Variants in UBE3A observed in about 807,000 individuals in gnomAD.
UBE3A encodes ubiquitin protein ligase E3A.
UBE3A carries 6 observed loss-of-function variants against 83.4 expected under a neutral mutation model. The observed-to-expected ratio is 0.07, with a 90% CI of 0.04 to 0.14. The LOEUF is 0.14. Ranked by LOEUF, UBE3A falls within the 10% of genes least tolerant of loss-of-function variation. The pLI is 1.00. For synonymous variants in UBE3A, 337 were observed against 355.4 expected (o/e 0.95, Z 0.58); for missense variants, 456 against 1,036.1 (o/e 0.44, Z 7.69).
intron 4 of UBE3A, among the ~76,000 whole-genome samples, chr15:25,389,558 A>C (rs967678165): frequency 1.3e-5 from 2 of 152,168 alleles, no homozygotes; most frequent in Admixed American, 1.3e-4. Context: ...GATAGGGAGG[A>C]AATATTTACA....
Position 25,375,659 on chromosome 15 carries a change from G to T in UBE3A, c.167C>A (p.Thr56Asn), listed in dbSNP as rs1431543223. 1 of 1,614,152 alleles carries T rather than the reference G, an allele frequency of 6.2e-7. No individual in the cohort carries two copies. The highest frequency in any genetic ancestry group is 1.7e-5 in the Admixed American group (1 of 60,012). The part of the protein sequence containing the change: ...CTNEFCASCP[T>N]FLRMDNNAAA... ...TGCATTATTATCCATACGAAGAAAA[G>T]TTGGACAGGAAGCACAAAACTCATT... The change falls in exon 5 of 13, where the codon ACT becomes AAT. Residue 56 changes from threonine (T) to asparagine (N), a missense_variant. Physicochemically the swap from Thr to Asn is moderately conservative, Grantham distance 65. Coordinates refer to ENST00000648336, the MANE Select transcript of UBE3A (RefSeq NM_130839.5).
intron 11 of UBE3A, chr15:25,345,972 A>T (rs1329437362): frequency 6.6e-6 from 1 of 152,290 alleles, no homozygotes; most frequent in Admixed American, 6.5e-5. Flanking sequence ...AATCAAAAAG[A>T]AACAAACCCA....
Position 25,388,201 on chromosome 15 carries a change from C to T in UBE3A, c.63-12438G>A, listed in dbSNP as rs145514960. On this transcript the variant is annotated intron_variant, in intron 4 of 12. Transcript: ENST00000648336. The stretch of plus-strand genomic sequence containing the variant: ...CCCATATTTGTCATGAACAAAGATG[C>T]AAAAATCTTTGTATTAGCAAAGTAT... 2.6e-5 allele frequency among the ~76,000 whole-genome samples: 4 copies of T among 152,180 alleles called. No individual in the cohort carries two copies. In the East Asian group the frequency reaches 5.8e-4, roughly 22 times the overall value.
intron 1 of UBE3A, among the ~76,000 whole-genome samples, chr15:25,412,731 C>T (rs2090217042): frequency 6.7e-6 from 1 of 150,080 alleles, no homozygotes; most frequent in Admixed American, 6.6e-5. Flanking sequence ...GGTTAAGAAA[C>T]CTATCCAGTG....
chr15:25,379,145 T>C (rs2081730544), intron 4 of UBE3A, among the ~76,000 whole-genome samples: 1 of 152,210 alleles, frequency 6.6e-6, no homozygotes, highest in South Asian at 2.1e-4. Flanking sequence ...AGTATTATTC[T>C]TCTTCACATT....
chr15:25,408,284 C>A, intron 3 of UBE3A: 1 of 358,780 alleles, frequency 2.8e-6, no homozygotes, highest in Non-Finnish European at 5.2e-6. Flanking sequence ...ACTTTGGCTC[C>A]TAAAGAGTCT....
Position 25,366,963 on chromosome 15 carries a change from T to A in UBE3A, c.1608+3603A>T, listed in dbSNP as rs193114634. ...ATTTTATTTATTTATTTATTTATTT[T>A]TTTTAAACAATTTTCCCATTCAGAT... On this transcript the variant is annotated intron_variant, in intron 6 of 12. Transcript: ENST00000648336. Among the ~76,000 whole-genome samples the A allele has an allele frequency of 4.4e-3, 671 of 151,946 alleles. 6 individuals carry two copies. The highest frequency in any genetic ancestry group is 0.014 in the African/African-American group (586 of 41,506).
chr15:25,344,071 T>G, intron 11 of UBE3A, among the ~76,000 whole-genome samples: 1 of 152,346 alleles, frequency 6.6e-6, no homozygotes. Context: ...AAATTACACA[T>G]GCATCTACCA....
At chr15:25,426,248 C>T (rs1891277475) in intron 1 of UBE3A, among the ~76,000 whole-genome samples, 1 of 152,150 alleles carries the variant, frequency 6.6e-6, no homozygotes, top group Non-Finnish European at 1.5e-5. Flanking sequence ...ATCAGAATTA[C>T]TTTAATTTCC....
intron 1 of UBE3A, among the ~76,000 whole-genome samples, chr15:25,412,547 C>T (rs1048169219): frequency 1.3e-5 from 2 of 152,060 alleles, no homozygotes; most frequent in Non-Finnish European, 1.5e-5. Context: ...AAATCAACCA[C>T]TTAATATATA....
chr15:25,429,769 T>C (rs1462058121), intron 1 of UBE3A, among the ~76,000 whole-genome samples: 1 of 151,532 alleles, frequency 6.6e-6, no homozygotes, highest in Non-Finnish European at 1.5e-5. Flanking sequence ...CTTTCAGAGG[T>C]TGAGGCAGGC....
At chr15:25,414,614 G>A (rs1404929824) in intron 1 of UBE3A, among the ~76,000 whole-genome samples, 1 of 152,172 alleles carries the variant, frequency 6.6e-6, no homozygotes, top group Non-Finnish European at 1.5e-5. Context: ...GTGAGGTAAT[G>A]ATGGTAGCAC....
chr15:25,387,984 A>G (rs1448299323), intron 4 of UBE3A, among the ~76,000 whole-genome samples: 1 of 152,210 alleles, frequency 6.6e-6, no homozygotes, highest in Non-Finnish European at 1.5e-5. Flanking sequence ...ATGTTCTAAA[A>G]GAGAAGGCAT....
intron 6 of UBE3A, among the ~76,000 whole-genome samples, chr15:25,368,316 G>A (rs1364880675): frequency 6.6e-6 from 1 of 151,924 alleles, no homozygotes; most frequent in Admixed American, 6.5e-5. Flanking sequence ...AATTACACAG[G>A]TTATCAATTT....
intron 1 of UBE3A, among the ~76,000 whole-genome samples, chr15:25,432,393 G>A (rs777520432): frequency 4.6e-5 from 7 of 152,182 alleles, no homozygotes; most frequent in Non-Finnish European, 8.8e-5. Context: ...GCTTGAAATG[G>A]AAAAGCCATC....
chr15:25,400,641 AT>A (rs1316712048), intron 4 of UBE3A, among the ~76,000 whole-genome samples: 1 of 152,120 alleles, frequency 6.6e-6, no homozygotes, highest in Non-Finnish European at 1.5e-5. Flanking sequence ...AATTCTACGG[AT>A]TTTTGTATCT....
rs549321927 is a variant in UBE3A, at chr15:25,336,047, A to C, written c.*3090T>G. ...ATATCTACCCCACACCTGCATCAAA[A>C]TCTTGCAGTGCCTATTAATAAATGC... On this transcript the variant is annotated 3_prime_UTR_variant, in exon 13 of 13. Transcript: ENST00000648336. 1.3e-5 allele frequency: 2 copies of C among 152,312 alleles called. No individual in the cohort carries two copies. The highest frequency in any genetic ancestry group is 4.1e-4 in the South Asian group (2 of 4,822). 9.4% of individuals were successfully genotyped at this position (152,312 alleles called of 1,614,324 possible).
chr15:25,393,513 G>A (rs1596067946), intron 4 of UBE3A, among the ~76,000 whole-genome samples: 1 of 152,142 alleles, frequency 6.6e-6, no homozygotes, highest in Admixed American at 6.5e-5. Flanking sequence ...CTCATTTATA[G>A]CTGACAAGAA....
At chr15:25,374,423 T>C (rs757668282) in intron 5 of UBE3A, 15 of 152,238 alleles carry the variant, frequency 9.9e-5, no homozygotes, top group Non-Finnish European at 1.9e-4. Flanking sequence ...ACTGGAGAAC[T>C]GTGTACAATA....
Sources: gnomAD v4.1 joint callset for allele counts (sites outside exome capture counted in the v4.1 genomes callset) on GRCh38, gnomAD v4.1.1 for gene constraint, MANE v1.5 for transcripts, NCBI Gene and HGNC (gene_info 2026-07-23, HGNC 2026-07-21) for gene names.